The following CDYL variants were observed in gnomAD, a reference collection of about 807,000 sequenced individuals.
CDYL encodes chromodomain Y like.
In CDYL, 8 loss-of-function variants were observed where a neutral mutation model predicts 47.3. The observed-to-expected ratio is 0.17, with a 90% CI of 0.10 to 0.31. CDYL has a LOEUF of 0.31. Among genes scored for constraint, CDYL ranks in the 10% least tolerant of loss-of-function variants. The pLI is 1.00. For synonymous variants in CDYL, 266 were observed against 265.0 expected, an observed-to-expected ratio of 1.00 and a Z score of -0.04; for missense variants, 471 against 701.4, an observed-to-expected ratio of 0.67 and a Z score of 3.71.
intron 6 of CDYL, among the ~76,000 whole-genome samples, chr6:4,952,773 T>G (rs1025712948): frequency 1.3e-5 from 2 of 152,108 alleles, no homozygotes; most frequent in Admixed American, 6.5e-5. Flanking sequence ...GTTTTTGGGT[T>G]GTTGTTGTTT....
chr6:4,795,265 A>G (rs1759039313), intron 1 of CDYL, among the ~76,000 whole-genome samples: 1 of 151,704 alleles, frequency 6.6e-6, no homozygotes, highest in Admixed American at 6.6e-5. Flanking sequence ...CCTTATTTTT[A>G]TTTTCTGATG....
At chr6:4,741,368 T>G (rs1757794457) in intron 3 of CDYL, among the ~76,000 whole-genome samples, 1 of 152,178 alleles carries the variant, frequency 6.6e-6, no homozygotes, top group Non-Finnish European at 1.5e-5. Context: ...CTTCATAGCA[T>G]AAAACTGCAA....
chr6:4,770,771 A>T (rs1758327121), intron 3 of CDYL, among the ~76,000 whole-genome samples: 1 of 152,234 alleles, frequency 6.6e-6, no homozygotes, highest in African/African-American at 2.4e-5. Context: ...ACTACAAAAA[A>T]GGAATCATTA....
chr6:4,938,915 T>A (rs1302133804), intron 4 of CDYL, among the ~76,000 whole-genome samples: 1 of 152,192 alleles, frequency 6.6e-6, no homozygotes, highest in Non-Finnish European at 1.5e-5. Context: ...ACTCCATGTA[T>A]AATTAGAAGT....
At chr6:4,888,797 T>G (rs1377165706) in intron 1 of CDYL, among the ~76,000 whole-genome samples, 2 of 152,168 alleles carry the variant, frequency 1.3e-5, no homozygotes, top group Non-Finnish European at 2.9e-5. Context: ...TTCCATAAGT[T>G]TTGGTATGTT....
intron 1 of CDYL, among the ~76,000 whole-genome samples, chr6:4,827,779 C>T (rs758635976): frequency 1.4e-4 from 22 of 152,092 alleles, no homozygotes; most frequent in Non-Finnish European, 2.5e-4. Flanking sequence ...CTCAGCCTCC[C>T]GAGTAGCTGG....
chr6:4,924,230 A>G (rs555165324), intron 2 of CDYL, among the ~76,000 whole-genome samples: 2 of 152,228 alleles, frequency 1.3e-5, no homozygotes, highest in East Asian at 3.9e-4. Context: ...TTGGCACTTA[A>G]TTTTTTGGAG....
At chr6:4,873,919 C>T (rs1761543714) in intron 1 of CDYL, among the ~76,000 whole-genome samples, 1 of 152,220 alleles carries the variant, frequency 6.6e-6, no homozygotes, top group Admixed American at 6.5e-5. Context: ...CGCCTTCTGC[C>T]TGTCTGTACC....
chr6:4,771,051 A>G (rs1758330743), intron 3 of CDYL, among the ~76,000 whole-genome samples: 1 of 152,192 alleles, frequency 6.6e-6, no homozygotes, highest in South Asian at 2.1e-4. Flanking sequence ...TTCCTAGTAA[A>G]GTGATGGATG....
chr6:4,843,048 C>G (rs1326767642), intron 1 of CDYL, among the ~76,000 whole-genome samples: 4 of 152,170 alleles, frequency 2.6e-5, no homozygotes, highest in Non-Finnish European at 4.4e-5. Context: ...GGTATCTTTT[C>G]ATCATTTATG....
chr6:4,834,999 C>A (rs567645692), intron 1 of CDYL, among the ~76,000 whole-genome samples: 46 of 152,254 alleles, frequency 3.0e-4, no homozygotes, highest in African/African-American at 1.0e-3. Flanking sequence ...AAGTTTTTAA[C>A]TTCTTTGCCT....
At chr6:4,864,342 T>G (rs1761259851) in intron 1 of CDYL, among the ~76,000 whole-genome samples, 1 of 152,122 alleles carries the variant, frequency 6.6e-6, no homozygotes, top group East Asian at 1.9e-4. Context: ...ACCACATTAG[T>G]TGTACGAAAC....
intron 1 of CDYL, among the ~76,000 whole-genome samples, chr6:4,822,141 CTTTTCTTTA>C (rs1759856367): frequency 6.6e-6 from 1 of 150,662 alleles, no homozygotes; most frequent in African/African-American, 2.5e-5. Flanking sequence ...GCAAATTTTT[CTTTTCTTTA>C]TTTTTTTTTT....
At chr6:4,920,655 G>C (rs71555875) in intron 2 of CDYL, among the ~76,000 whole-genome samples, 7,359 of 152,266 alleles carry the variant, frequency 0.048, 305 homozygotes, top group African/African-American at 0.11. Flanking sequence ...GTCTCGCTCT[G>C]TCGCCCAGGC....
chr6:4,879,540 CT>C (rs1251539297), intron 1 of CDYL, among the ~76,000 whole-genome samples: 1 of 125,222 alleles, frequency 8.0e-6, no homozygotes, highest in Non-Finnish European at 1.7e-5. Flanking sequence ...ATTTCCATTT[CT>C]TTTTTGTGGG....
chr6:4,807,455 C>A (rs146447356), intron 1 of CDYL, among the ~76,000 whole-genome samples: 19 of 152,280 alleles, frequency 1.2e-4, no homozygotes, highest in African/African-American at 4.3e-4. Context: ...CTTTAGCATT[C>A]ATTCCATTGG....
At chr6:4,725,400 C>T (rs1487007956) in intron 2 of CDYL, among the ~76,000 whole-genome samples, 1 of 152,232 alleles carries the variant, frequency 6.6e-6, no homozygotes, top group Non-Finnish European at 1.5e-5. Flanking sequence ...GTGGGGGAGG[C>T]TCCGGCGGCG....
At chr6:4,888,859 A>G (rs1761966019) in intron 1 of CDYL, among the ~76,000 whole-genome samples, 1 of 152,120 alleles carries the variant, frequency 6.6e-6, no homozygotes, top group Admixed American at 6.6e-5. Context: ...CCCATTGATT[A>G]TTTAGCATGG....
At chr6:4,899,540 A>G (rs1385898409) in intron 2 of CDYL, among the ~76,000 whole-genome samples, 1 of 152,232 alleles carries the variant, frequency 6.6e-6, no homozygotes, top group Admixed American at 6.5e-5. Context: ...AATGGAAGAC[A>G]AAGGCTGTTT....
Sources: allele counts gnomAD v4.1 joint callset (sites outside exome capture counted in the v4.1 genomes callset), GRCh38; gene constraint gnomAD v4.1.1; transcripts MANE v1.5; gene names NCBI Gene and HGNC (gene_info 2026-07-23, HGNC 2026-07-21).